SLC24A5: variants seen among roughly 807,000 people sequenced by gnomAD.
SLC24A5 encodes the protein solute carrier family 24 member 5, also known as sodium/potassium/calcium exchanger 5.
A neutral mutation model predicts 51.6 loss-of-function variants in SLC24A5; 46 were observed. The ratio of observed to expected loss-of-function variants is 0.89; its 90% CI spans 0.70 to 1.14. SLC24A5 has a LOEUF of 1.14. Among genes scored for constraint, SLC24A5 ranks in the 50% most tolerant of loss-of-function variants. The probability of loss-of-function intolerance (pLI) is 0.00; values close to 1 mark genes in which losing one functional copy is unlikely to be tolerated. For synonymous variants in SLC24A5, 230 were observed against 214.9 expected (o/e 1.07, Z -0.62); for missense variants, 581 against 604.1 (o/e 0.96, Z 0.40).
chr15:48,124,920 G>A (rs1296993072), intron 2 of SLC24A5, among the ~76,000 whole-genome samples: 2 of 152,144 alleles, frequency 1.3e-5, no homozygotes, highest in African/African-American at 4.8e-5. Context: ...TAGAAATAGT[G>A]CTAGCTCAAT....
rs150700445 is a variant in SLC24A5 at position 48,136,865 on chromosome 15, T to G, written c.773T>G (p.Ile258Ser). Residue 258 changes from isoleucine (I) to serine (S), a missense_variant, in exon 6 of 9, where the codon ATT becomes AGT. By Grantham distance (142) the Ile-to-Ser change is moderately radical. Transcript: ENST00000341459. ...TGGGAAGATGAAGGTCAACCATTCA[T>G]TCGTCGGCAATCAAGAACTGATAGT... is the stretch of plus-strand genomic sequence containing the variant. ...MGWEDEGQPF[I>S]RRQSRTDSGI... 6.2e-7 allele frequency: 1 copy of G among 1,613,754 alleles called. No homozygotes were observed. Among genetic ancestry groups the G allele is most frequent in the African/African-American group, 1.3e-5 (1 of 74,912 alleles).
intron 6 of SLC24A5, chr15:48,137,269 A>T (rs2140744145): frequency 3.6e-6 from 1 of 274,038 alleles, no homozygotes; most frequent in South Asian, 6.9e-5. Flanking sequence ...GGGAGCATTT[A>T]AATTGGGCCT....
chr15:48,139,383 G>A (rs749386999), intron 7 of SLC24A5: 1 of 421,460 alleles, frequency 2.4e-6, no homozygotes, highest in Non-Finnish European at 4.3e-6. Context: ...ATTTTCCACT[G>A]TTATTTAGCC....
At chr15:48,127,645 C>T (rs2038745570) in intron 2 of SLC24A5, among the ~76,000 whole-genome samples, 2 of 152,008 alleles carry the variant, frequency 1.3e-5, no homozygotes, top group Admixed American at 1.3e-4. Flanking sequence ...ATGGTAAAAC[C>T]CCATTTCTAC....
At chr15:48,123,190 C>T (rs2038697457) in intron 2 of SLC24A5, 1 of 151,298 alleles carries the variant, frequency 6.6e-6, no homozygotes, top group Non-Finnish European at 1.5e-5. Context: ...ATAGATTAGC[C>T]TAATTTATTA....
Position 48,139,000 on chromosome 15 carries a change from A to T in SLC24A5, c.903A>T (p.Ala301=). Residue 301 remains alanine, a synonymous_variant, in exon 7 of 9, where the codon GCA becomes GCT. Transcript: ENST00000341459. ...DPPSVFNMPE[A]DLKRIFWVLS... is the part of the protein sequence containing the mutation. Reference sequence around the variant, plus strand: ...CAAGTGTTTTCAACATGCCTGAAGCAGACTTAAAAAGAATTTTTTGGGTAT... The same window carrying T: ...CAAGTGTTTTCAACATGCCTGAAGCTGACTTAAAAAGAATTTTTTGGGTAT... The T allele has an allele frequency of 1.2e-6, 2 of 1,612,960 alleles. No individual in the cohort carries two copies. The highest frequency in any genetic ancestry group is 1.7e-6 in the Non-Finnish European group (2 of 1,179,242).
intron 2 of SLC24A5, among the ~76,000 whole-genome samples, chr15:48,128,200 G>T (rs1404149426): frequency 6.6e-6 from 1 of 151,752 alleles, no homozygotes; most frequent in Non-Finnish European, 1.5e-5. Flanking sequence ...TATATACATA[G>T]AAAACTCTGA....
chr15:48,123,158 A>G (rs1373298021), intron 2 of SLC24A5: 2 of 151,606 alleles, frequency 1.3e-5, no homozygotes, highest in Non-Finnish European at 2.9e-5. Flanking sequence ...TTTAATGAAA[A>G]TATATAATAT....
At chr15:48,137,110 A>G in intron 6 of SLC24A5, 147 bp downstream of exon 6, 1 of 754,654 alleles carries the variant, frequency 1.3e-6, no homozygotes, top group East Asian at 2.7e-5. Context: ...CCTACCTTTA[A>G]GGAACTTCCA....
intron 2 of SLC24A5, chr15:48,124,760 A>G (rs1416399951): frequency 1.3e-5 from 2 of 152,198 alleles, no homozygotes; most frequent in African/African-American, 4.8e-5. Context: ...TCATCAGCAA[A>G]CATGCATTTC....
At chr15:48,140,904 A>G (rs899772260) in intron 7 of SLC24A5, 5 of 446,392 alleles carry the variant, frequency 1.1e-5, no homozygotes, top group African/African-American at 9.9e-5. Flanking sequence ...TAGATATGTC[A>G]TTAAAAATCT....
chr15:48,121,308 TCAAA>T, intron 1 of SLC24A5, 143 bp downstream of exon 1: 1 of 901,198 alleles, frequency 1.1e-6, no homozygotes, highest in Non-Finnish European at 1.6e-6. Flanking sequence ...TAAAAAGATA[TCAAA>T]CACTTTTGAT....
intron 2 of SLC24A5, chr15:48,123,298 A>C (rs1339521942): frequency 2.0e-5 from 3 of 151,996 alleles, no homozygotes; most frequent in Admixed American, 6.6e-5. Context: ...ATTATTTAAC[A>C]GTTTTACTTA....
Position 48,139,079 on chromosome 15 carries a change from A to T in SLC24A5, c.982A>T (p.Lys328Ter). The T allele has an allele frequency of 6.2e-7, 1 of 1,613,140 alleles. No individual in the cohort carries two copies. Among genetic ancestry groups the T allele is most frequent in the South Asian group, 1.1e-5 (1 of 91,038 alleles). The change falls in exon 7 of 9, where the codon AAG becomes TAG. Residue 328 changes from lysine (K) to a stop codon, truncating the protein, a stop_gained. Coordinates refer to ENST00000341459, the MANE Select transcript of SLC24A5 (RefSeq NM_205850.3). LOFTEE classifies it high-confidence loss of function. ...LFLTTPDCRK[K>*]FWKNYFVITF... Reference sequence around the variant, plus strand: ...TCTAACCACACCAGATTGTAGAAAAAAGTTTTGGAAAAACTACTTTGTGAT... The same window carrying T: ...TCTAACCACACCAGATTGTAGAAAATAGTTTTGGAAAAACTACTTTGTGAT...
chr15:48,129,184 G>A (rs1290043340), intron 2 of SLC24A5, among the ~76,000 whole-genome samples: 1 of 151,960 alleles, frequency 6.6e-6, no homozygotes, highest in Non-Finnish European at 1.5e-5. Context: ...TTCTTTCATT[G>A]CTCAGACAAA....
At chr15:48,135,157 T>G (rs1338566930) in intron 5 of SLC24A5, 173 bp downstream of exon 5, 2 of 509,166 alleles carry the variant, frequency 3.9e-6, no homozygotes, top group Non-Finnish European at 7.0e-6. Flanking sequence ...TTCTTCTCAC[T>G]AGTTTGCAAT....
chr15:48,135,082 TCTGCCACTTCTATAC>T, intron 5 of SLC24A5, 98 bp downstream of exon 5: 3 of 844,156 alleles, frequency 3.6e-6, no homozygotes, highest in Non-Finnish European at 5.8e-6. Flanking sequence ...AGTCACTTAA[TCTGCCACTTCTATAC>T]CATATTCCAA....
intron 2 of SLC24A5, among the ~76,000 whole-genome samples, chr15:48,128,309 G>C (rs1181846943): frequency 6.6e-6 from 1 of 152,030 alleles, no homozygotes; most frequent in Non-Finnish European, 1.5e-5. Flanking sequence ...CATTCAATTA[G>C]ATATAACCTC....
chr15:48,131,098 T>C (rs937870423), intron 2 of SLC24A5, among the ~76,000 whole-genome samples: 1 of 152,172 alleles, frequency 6.6e-6, no homozygotes, highest in Non-Finnish European at 1.5e-5. Context: ...TTGTACACCA[T>C]GAATATATTA....
Sources: gnomAD v4.1 joint callset for allele counts (sites outside exome capture counted in the v4.1 genomes callset) on GRCh38, gnomAD v4.1.1 for gene constraint, MANE v1.5 for transcripts, NCBI Gene and HGNC (gene_info 2026-07-23, HGNC 2026-07-21) for gene names.